Variants in CACNA2D3 observed in about 807,000 individuals in gnomAD.
The protein encoded by CACNA2D3 is calcium voltage-gated channel auxiliary subunit alpha2delta 3.
A neutral mutation model predicts 160.6 loss-of-function variants in CACNA2D3; 60 were observed. The ratio of observed to expected loss-of-function variants is 0.37; its 90% CI spans 0.30 to 0.46. The LOEUF (loss-of-function observed/expected upper bound fraction) is 0.46, where lower values mean the gene tolerates loss of function less well. CACNA2D3 is among the 20% of genes least tolerant of loss of function. The pLI, the probability that CACNA2D3 is intolerant of heterozygous loss-of-function variation, is 1.00. For missense variants in CACNA2D3, 1,205 were observed against 1,365.0 expected, an observed-to-expected ratio of 0.88 and a Z score of 1.85; for synonymous variants, 558 against 492.9, an observed-to-expected ratio of 1.13 and a Z score of -1.75.
chr3:54,320,496 C>G lies in CACNA2D3; in HGVS notation c.259C>G (p.Leu87Val). The G allele has an allele frequency of 6.4e-7, 1 of 1,570,076 alleles. No homozygotes were observed. Among genetic ancestry groups the G allele is most frequent in the Non-Finnish European group, 8.6e-7 (1 of 1,156,978 alleles). The change falls in exon 3 of 38, where the codon CTG becomes GTG. Residue 87 changes from leucine (L) to valine (V), a missense_variant. Transcript: ENST00000474759. ...VAIEEIDGLQLVKKLAKNMEE... is the reference protein window; with the variant it reads ...VAIEEIDGLQVVKKLAKNMEE... ...CATAGAAGAAATTGATGGCCTCCAA[C>G]TGGTAAAGAAGCTGGCAAAGAACAT...
intron 27 of CACNA2D3, among the ~76,000 whole-genome samples, chr3:54,945,608 T>G (rs1389233460): frequency 6.6e-6 from 1 of 152,168 alleles, no homozygotes; most frequent in East Asian, 1.9e-4. Context: ...TCTTCAAACT[T>G]TAGTGTCAGT....
intron 3 of CACNA2D3, among the ~76,000 whole-genome samples, chr3:54,341,081 C>A (rs1210841452): frequency 2.0e-5 from 3 of 152,216 alleles, no homozygotes; most frequent in Non-Finnish European, 4.4e-5. Context: ...GGTGTCTGTT[C>A]AAATGTCAGT....
At chr3:54,929,326 G>T (rs886468624) in intron 27 of CACNA2D3, among the ~76,000 whole-genome samples, 1 of 152,152 alleles carries the variant, frequency 6.6e-6, no homozygotes, top group Non-Finnish European at 1.5e-5. Context: ...AGGCTTTCAG[G>T]ATTTGTATGC....
intron 3 of CACNA2D3, among the ~76,000 whole-genome samples, chr3:54,355,978 C>G (rs1032276411): frequency 1.3e-5 from 2 of 152,102 alleles, no homozygotes; most frequent in Non-Finnish European, 2.9e-5. Context: ...CTGCTAAGTC[C>G]TTGGTCAGTA....
At chr3:54,663,518 A>G (rs1022959974) in intron 11 of CACNA2D3, among the ~76,000 whole-genome samples, 1 of 152,230 alleles carries the variant, frequency 6.6e-6, no homozygotes, top group Non-Finnish European at 1.5e-5. Flanking sequence ...TTTTTAAAAC[A>G]CAAATGGGGT....
intron 23 of CACNA2D3, among the ~76,000 whole-genome samples, chr3:54,887,535 A>G (rs1358654997): frequency 6.6e-6 from 1 of 152,232 alleles, no homozygotes; most frequent in African/African-American, 2.4e-5. Flanking sequence ...TCTCTTTCCC[A>G]TGTGACAACA....
chr3:55,026,238 A>G (rs1334485997), intron 35 of CACNA2D3, among the ~76,000 whole-genome samples: 2 of 152,190 alleles, frequency 1.3e-5, no homozygotes, highest in Non-Finnish European at 2.9e-5. Context: ...CAGGTAAGAT[A>G]TGAGGGCTGA....
At chr3:54,919,962 G>T (rs1022971087) in intron 27 of CACNA2D3, among the ~76,000 whole-genome samples, 1 of 152,112 alleles carries the variant, frequency 6.6e-6, no homozygotes, top group Non-Finnish European at 1.5e-5. Flanking sequence ...GAGTGGGCAG[G>T]ATGGCCCTCG....
intron 29 of CACNA2D3, among the ~76,000 whole-genome samples, chr3:54,982,970 A>T (rs963169966): frequency 6.6e-6 from 1 of 152,124 alleles, no homozygotes; most frequent in Non-Finnish European, 1.5e-5. Flanking sequence ...CCGACCTACT[A>T]TCTCATCCTG....
At chr3:54,871,951 C>A (rs1375423806) in intron 18 of CACNA2D3, among the ~76,000 whole-genome samples, 1 of 152,214 alleles carries the variant, frequency 6.6e-6, no homozygotes, top group Non-Finnish European at 1.5e-5. Flanking sequence ...TCAGTGGAAC[C>A]TGGCTGGGCA....
intron 27 of CACNA2D3, among the ~76,000 whole-genome samples, chr3:54,956,750 C>T (rs938768230): frequency 3.3e-5 from 5 of 152,088 alleles, no homozygotes; most frequent in Non-Finnish European, 7.4e-5. Context: ...GAAGACAGAA[C>T]CCATTTGAAT....
At chr3:55,033,706 A>T (rs1159226249) in intron 35 of CACNA2D3, among the ~76,000 whole-genome samples, 2 of 131,270 alleles carry the variant, frequency 1.5e-5, no homozygotes, top group African/African-American at 5.7e-5. Flanking sequence ...AAAAATATAT[A>T]TAATATATAT....
intron 8 of CACNA2D3, among the ~76,000 whole-genome samples, chr3:54,571,653 GTGTGT>G (rs1702500023): frequency 7.2e-6 from 1 of 138,662 alleles, no homozygotes; most frequent in African/African-American, 2.7e-5. Flanking sequence ...GTGTGTGTGT[GTGTGT>G]GGTGGACACT....
At chr3:54,556,247 C>A (rs1213431070) in intron 5 of CACNA2D3, among the ~76,000 whole-genome samples, 1 of 152,100 alleles carries the variant, frequency 6.6e-6, no homozygotes, top group East Asian at 1.9e-4. Context: ...GAGATCGTCC[C>A]AAATTTAGGG....
At chr3:55,010,876 A>G (rs1050905453) in intron 34 of CACNA2D3, among the ~76,000 whole-genome samples, 3 of 152,166 alleles carry the variant, frequency 2.0e-5, no homozygotes, top group Non-Finnish European at 2.9e-5. Context: ...TTTGTGTTTT[A>G]CACTAACCTA....
At chr3:54,500,488 TCTTCCTTCCTTCCTATCTTCCTTCCTTC>T (rs1403777031) in intron 4 of CACNA2D3, among the ~76,000 whole-genome samples, 3 of 149,942 alleles carry the variant, frequency 2.0e-5, no homozygotes, top group East Asian at 4.0e-4. Flanking sequence ...TTCCTTCCTA[TCTTCCTTCCTTCCTATCTTCCTTCCTTC>T]CTTCCTTCCT....
chr3:54,500,498 TTCC>T (rs1701271400), intron 4 of CACNA2D3, among the ~76,000 whole-genome samples: 1 of 132,538 alleles, frequency 7.5e-6, no homozygotes, highest in South Asian at 2.5e-4. Context: ...TCTTCCTTCC[TTCC>T]TATCTTCCTT....
chr3:54,269,890 C>G lies in CACNA2D3; in HGVS notation c.205-50552C>G, dbSNP rs114733918. ...AATACTTAGAGGAAAGTGTCTGACA[C>G]TTGAGAAAAGACCTTAATACATGGT... is the stretch of plus-strand genomic sequence containing the variant. On this transcript the variant is annotated intron_variant, in intron 2 of 37. Transcript: ENST00000474759. Among the ~76,000 whole-genome samples, 578 of 152,310 alleles carry G rather than the reference C, an allele frequency of 3.8e-3. 1 individual carries two copies. The highest frequency in any genetic ancestry group is 4.9e-3 in the Non-Finnish European group (336 of 68,022).
intron 2 of CACNA2D3, among the ~76,000 whole-genome samples, chr3:54,275,083 C>T (rs1407267702): frequency 6.6e-6 from 1 of 152,238 alleles, no homozygotes; most frequent in Admixed American, 6.5e-5. Flanking sequence ...TGAGCCTGTG[C>T]TGGACTGCAT....
Sources: gnomAD v4.1 joint callset for allele counts (sites outside exome capture counted in the v4.1 genomes callset) on GRCh38, gnomAD v4.1.1 for gene constraint, MANE v1.5 for transcripts, NCBI Gene and HGNC (gene_info 2026-07-23, HGNC 2026-07-21) for gene names.